Variants in OR2T6 observed in about 807,000 individuals in gnomAD.
OR2T6 encodes the protein olfactory receptor 2T6.
For missense variants in OR2T6, 424 were observed against 391.6 expected (o/e 1.08, Z -0.70); for synonymous variants, 174 against 148.0 (o/e 1.18, Z -1.27).
At position 248,388,244 on chromosome 1, in the gene OR2T6, G is replaced by A. The variant is rs149727464; in HGVS notation, c.636G>A (p.Ser212=). Residue 212 remains serine (S), a synonymous_variant, in exon 3 of 3, where the codon TCG becomes TCA. Coordinates refer to ENST00000641644, the MANE Select transcript of OR2T6 (RefSeq NM_001005471.2). ...TTGCAATGCTGCTGATCCCCTTCTC[G>A]GTGGTGACTGCATCCTACACCAGGA... ...CCVAMLLIPF[S]VVTASYTRIL... 74 of 1,613,904 alleles carry A rather than the reference G, an allele frequency of 4.6e-5. No individual in the cohort carries two copies. Among genetic ancestry groups the A allele is most frequent in the South Asian group, 7.7e-5 (7 of 91,044 alleles).
At position 248,390,188 on chromosome 1, in the gene OR2T6, A is replaced by G. The variant is rs1209246165; in HGVS notation, c.*1653A>G. ...AAGTGCTCTATGAAATATAAAATAA[A>G]GTCTTTTTCTAAGATGGAGTTGGCT... On this transcript the variant is annotated 3_prime_UTR_variant, in exon 3 of 3. Transcript: ENST00000641644. 6.6e-6 allele frequency: 1 copy of G among 152,224 alleles called. No homozygotes were observed. The highest frequency in any genetic ancestry group is 1.5e-5 in the Non-Finnish European group (1 of 68,028). The allele number at this position is 152,224 out of a possible 1,614,324, so 9.4% of individuals were successfully genotyped here.
chr1:248,391,718 GAT>G lies in OR2T6; in HGVS notation c.*3189_*3190del, dbSNP rs1198427219. 8 of 152,180 alleles carry G rather than the reference GAT, an allele frequency of 5.3e-5. No homozygotes were observed. Among genetic ancestry groups the G allele is most frequent in the Middle Eastern group, 3.4e-3 (1 of 292 alleles). The allele number at this position is 152,180 out of a possible 1,614,324, so 9.4% of individuals were successfully genotyped here. A position where few individuals can be genotyped will look rare whatever the true frequency, so the allele number is the denominator to read the frequency against. ...TGTTAACAATAGGGAAAAGAGAGGG[GAT>G]ATATAAAAACTTTCTGAACTATCCA... On this transcript the variant is annotated 3_prime_UTR_variant, in exon 3 of 3. Transcript: ENST00000641644.
At position 248,384,795 on chromosome 1, in the gene OR2T6, C is replaced by G. The variant is rs1413256188; in HGVS notation, c.-74C>G. The G allele has an allele frequency of 1.3e-5, 2 of 151,018 alleles. No homozygotes were observed. Among genetic ancestry groups the G allele is most frequent in the Admixed American group, 6.6e-5 (1 of 15,266 alleles). 9.4% of individuals were successfully genotyped at this position (151,018 alleles called of 1,614,324 possible). A position where few individuals can be genotyped will look rare whatever the true frequency, so the allele number is the denominator to read the frequency against. The stretch of plus-strand genomic sequence containing the variant: ...ATGGAGGATCTGCATTTTGGGTGGA[C>G]AGTGGACAGAATAAATCTTCAGCCC... On this transcript the variant is annotated 5_prime_UTR_variant, in exon 2 of 3. Coordinates refer to ENST00000641644, the MANE Select transcript of OR2T6 (RefSeq NM_001005471.2).
chr1:248,387,933 G>C lies in OR2T6; in HGVS notation c.325G>C (p.Gly109Arg). The change falls in exon 3 of 3, where the codon GGG (glycine) becomes CGG (arginine). Residue 109 changes from glycine to arginine, a missense_variant. By Grantham distance (125) the Gly-to-Arg change is moderately radical (BLOSUM62 -2). Coordinates refer to ENST00000641644, the MANE Select transcript of OR2T6 (RefSeq NM_001005471.2). ...GTGCTTTCTCTACATGGGCTTTATG[G>C]GGGCTGAATTCTTCCTGCTGGGGCT... ...AQCFLYMGFMGAEFFLLGLMA... is the reference protein window; with the variant it reads ...AQCFLYMGFMRAEFFLLGLMA... The C allele has an allele frequency of 6.2e-7, 1 of 1,606,226 alleles. No homozygotes were observed. The highest frequency in any genetic ancestry group is 8.5e-7 in the Non-Finnish European group (1 of 1,176,290).
chr1:248,381,809 T>G (rs1441293343), intron 1 of OR2T6, among the ~76,000 whole-genome samples: 6 of 151,764 alleles, frequency 4.0e-5, no homozygotes, highest in Admixed American at 2.6e-4. Flanking sequence ...TTCCCTTTTC[T>G]TAATTTTGTT....
Position 248,391,008 on chromosome 1 carries a change from A to G in OR2T6, c.*2473A>G, listed in dbSNP as rs538639770. 28 of 152,322 alleles carry G rather than the reference A, an allele frequency of 1.8e-4. No homozygotes were observed. The highest frequency in any genetic ancestry group is 6.0e-4 in the African/African-American group (25 of 41,570). The allele number at this position is 152,322 out of a possible 1,614,324, so 9.4% of individuals were successfully genotyped here. A position where few individuals can be genotyped will look rare whatever the true frequency, so the allele number is the denominator to read the frequency against. On this transcript the variant is annotated 3_prime_UTR_variant, in exon 3 of 3. Transcript: ENST00000641644. ...ATTGACTTTTATATTCAGTTTTTAC[A>G]ATTTCTTTCATTTCTATCGATCCGT... is the stretch of plus-strand genomic sequence containing the variant.
chr1:248,388,678 A>G lies in OR2T6; in HGVS notation c.*143A>G. The G allele has an allele frequency of 1.8e-6, 1 of 553,772 alleles. No individual in the cohort carries two copies. The highest frequency in any genetic ancestry group is 3.0e-6 in the Non-Finnish European group (1 of 328,876). 34.3% of individuals were successfully genotyped at this position (553,772 alleles called of 1,614,324 possible). A position where few individuals can be genotyped will look rare whatever the true frequency, so the allele number is the denominator to read the frequency against. On this transcript the variant is annotated 3_prime_UTR_variant, in exon 3 of 3. Transcript: ENST00000641644. Reference sequence around the variant, plus strand: ...ACCAGCTGTGCTAAATGGTGTATCAACAGTACCCCCATCAAAAATGGGAAG... The same window carrying G: ...ACCAGCTGTGCTAAATGGTGTATCAGCAGTACCCCCATCAAAAATGGGAAG...
intron 1 of OR2T6, among the ~76,000 whole-genome samples, chr1:248,376,697 G>A (rs962711981): frequency 6.6e-6 from 1 of 151,946 alleles, no homozygotes; most frequent in Non-Finnish European, 1.5e-5. Context: ...TGGTACATGT[G>A]CAGGTTTGTT....
At position 248,390,206 on chromosome 1, in the gene OR2T6, A is replaced by G. The variant is rs1661224617; in HGVS notation, c.*1671A>G. On this transcript the variant is annotated 3_prime_UTR_variant, in exon 3 of 3. Transcript: ENST00000641644. ...AAAATAAAGTCTTTTTCTAAGATGG[A>G]GTTGGCTACGTCAAGGGTGTTCTAT... 1 of 152,194 alleles carries G rather than the reference A, an allele frequency of 6.6e-6. No individual in the cohort carries two copies. The highest frequency in any genetic ancestry group is 2.4e-5 in the African/African-American group (1 of 41,448). 9.4% of individuals were successfully genotyped at this position (152,194 alleles called of 1,614,324 possible).
intron 1 of OR2T6, 41 bp downstream of exon 1, chr1:248,376,095 A>G (rs925813755): frequency 3.3e-5 from 5 of 152,220 alleles, no homozygotes; most frequent in African/African-American, 1.2e-4. Flanking sequence ...TACTCACAGT[A>G]AGAAAGCCAT....
At position 248,386,813 on chromosome 1, in the gene OR2T6, A is replaced by G. The variant is rs186747620; in HGVS notation, c.-4-792A>G. Among the ~76,000 whole-genome samples, 14 of 152,066 alleles carry G rather than the reference A, an allele frequency of 9.2e-5. No individual in the cohort carries two copies. The East Asian group carries it at 2.1e-3, about 23-fold the overall frequency. On this transcript the variant is annotated intron_variant, in intron 2 of 2. Transcript: ENST00000641644. Reference sequence around the variant, plus strand: ...ACCCTAGCCCTAAATCTTCACATGAATTTTCTTTTATCTTTCATTGTCTGT... The same window carrying G: ...ACCCTAGCCCTAAATCTTCACATGAGTTTTCTTTTATCTTTCATTGTCTGT...
chr1:248,386,183 G>A (rs556266074), intron 2 of OR2T6, among the ~76,000 whole-genome samples: 24 of 152,228 alleles, frequency 1.6e-4, no homozygotes, highest in African/African-American at 3.1e-4. Flanking sequence ...CCAAGAATTC[G>A]AAATTCAAGT....
At chr1:248,386,851 C>G (rs765076895) in intron 2 of OR2T6, among the ~76,000 whole-genome samples, 1 of 152,142 alleles carries the variant, frequency 6.6e-6, no homozygotes, top group African/African-American at 2.4e-5. Context: ...TGAAGTTTTC[C>G]GCAAAGCCCT....
chr1:248,376,975 G>A (rs1450126253), intron 1 of OR2T6, among the ~76,000 whole-genome samples: 2 of 152,164 alleles, frequency 1.3e-5, no homozygotes, highest in Non-Finnish European at 2.9e-5. Flanking sequence ...CATTTTGATA[G>A]ATTCAGTCAC....
Position 248,387,686 on chromosome 1 carries a change from C to A in OR2T6, c.78C>A (p.Phe26Leu), listed in dbSNP as rs1558307712. ...TCACTCACAATAAATGCTCAGGATT[C>A]TTTTTCGGTGTCATTTGTGCCGTCT... ...GLFTHNKCSG[F>L]FFGVICAVFF... Residue 26 changes from phenylalanine (F) to leucine (L), a missense_variant, in exon 3 of 3, where the codon TTC becomes TTA. Physicochemically the swap from Phe to Leu is conservative, Grantham distance 22. Coordinates refer to ENST00000641644, the MANE Select transcript of OR2T6 (RefSeq NM_001005471.2). The A allele has an allele frequency of 6.2e-6, 10 of 1,613,556 alleles. No homozygotes were observed. Among genetic ancestry groups the A allele is most frequent in the Non-Finnish European group, 8.5e-6 (10 of 1,179,602 alleles).
At chr1:248,382,766 C>T (rs1200913623) in intron 1 of OR2T6, among the ~76,000 whole-genome samples, 4 of 152,024 alleles carry the variant, frequency 2.6e-5, no homozygotes, top group African/African-American at 4.8e-5. Context: ...TCAGGTGATC[C>T]ACCCACTTTG....
At position 248,388,611 on chromosome 1, in the gene OR2T6, G is replaced by T. The variant is rs561634740; in HGVS notation, c.*76G>T. On this transcript the variant is annotated 3_prime_UTR_variant, in exon 3 of 3. Transcript: ENST00000641644. The stretch of plus-strand genomic sequence containing the variant: ...ATCCTGTTCAGGCATATATGGGGTC[G>T]TATCATGGATACCACGGATGATGCT... The T allele has an allele frequency of 2.7e-6, 3 of 1,123,944 alleles. No homozygotes were observed. The highest frequency in any genetic ancestry group is 1.6e-5 in the South Asian group (1 of 61,190). 69.6% of individuals were successfully genotyped at this position (1,123,944 alleles called of 1,614,324 possible). A position where few individuals can be genotyped will look rare whatever the true frequency, so the allele number is the denominator to read the frequency against.
chr1:248,383,093 A>G (rs28572435), intron 1 of OR2T6, among the ~76,000 whole-genome samples: 50,752 of 74,668 alleles, frequency 0.68, 15,745 homozygotes, highest in African/African-American at 0.75. Context: ...ATCCTATCCT[A>G]ATGTGTTTCC....
rs1165192618 is a variant in OR2T6, at chr1:248,388,520, T to A, written c.912T>A (p.Val304=). Reference sequence around the variant, plus strand: ...ATGTGATGGGTGCCTTGAAGAGAGTTGTGGCAAGATGTTAGGGGACATGTG... The same window carrying A: ...ATGTGATGGGTGCCTTGAAGAGAGTAGTGGCAAGATGTTAGGGGACATGTG... ...NRDVMGALKR[V]VARC The change falls in exon 3 of 3, where the codon GTT becomes GTA. Residue 304 remains valine, a synonymous_variant. Coordinates refer to ENST00000641644, the MANE Select transcript of OR2T6 (RefSeq NM_001005471.2). The A allele has an allele frequency of 6.4e-7, 1 of 1,569,044 alleles. No homozygotes were observed.
Sources: gnomAD v4.1 joint callset for allele counts (sites outside exome capture counted in the v4.1 genomes callset) on GRCh38, gnomAD v4.1.1 for gene constraint, MANE v1.5 for transcripts, NCBI Gene and HGNC (gene_info 2026-07-23, HGNC 2026-07-21) for gene names.